FBXO36: variants seen among roughly 807,000 people sequenced by gnomAD.
The protein encoded by FBXO36 is F-box protein 36.
FBXO36 carries 18 observed loss-of-function variants against 17.0 expected under a neutral mutation model. The ratio of observed to expected loss-of-function variants is 1.06; its 90% CI spans 0.73 to 1.57. The LOEUF (loss-of-function observed/expected upper bound fraction) is 1.57. FBXO36 is among the 40% of genes most tolerant of loss of function. The pLI is 0.00. For synonymous variants in FBXO36, 83 were observed against 85.3 expected (o/e 0.97, Z 0.15); for missense variants, 229 against 221.9 (o/e 1.03, Z -0.20).
At chr2:229,947,289 T>C (rs2077032115) in intron 1 of FBXO36, among the ~76,000 whole-genome samples, 1 of 152,216 alleles carries the variant, frequency 6.6e-6, no homozygotes, top group Non-Finnish European at 1.5e-5. Flanking sequence ...TCAAAAGTTA[T>C]ATTTTACAGA....
intron 1 of FBXO36, among the ~76,000 whole-genome samples, chr2:229,967,167 G>A (rs898347451): frequency 3.3e-5 from 5 of 152,130 alleles, no homozygotes; most frequent in African/African-American, 1.2e-4. Flanking sequence ...CCCATGGTTT[G>A]GCTCTCTGTT....
intron 1 of FBXO36, among the ~76,000 whole-genome samples, chr2:229,959,254 A>T (rs1322343179): frequency 1.3e-5 from 2 of 152,138 alleles, no homozygotes; most frequent in Non-Finnish European, 2.9e-5. Context: ...CCTGGCCTCA[A>T]GTGATCTTCC....
chr2:229,922,758 C>T, intron 1 of FBXO36, 149 bp downstream of exon 1: 5 of 739,978 alleles, frequency 6.8e-6, no homozygotes, highest in East Asian at 2.8e-5. Flanking sequence ...TCCTCGTCAC[C>T]TCGGCCTCCT....
chr2:229,938,688 G>A (rs1353600403), intron 1 of FBXO36, among the ~76,000 whole-genome samples: 2 of 150,698 alleles, frequency 1.3e-5, no homozygotes, highest in African/African-American at 4.9e-5. Flanking sequence ...TGTATAGATG[G>A]GGTTGTAGAG....
chr2:229,949,828 G>T (rs930303180), intron 1 of FBXO36, among the ~76,000 whole-genome samples: 1 of 152,180 alleles, frequency 6.6e-6, no homozygotes, highest in Non-Finnish European at 1.5e-5. Flanking sequence ...GGGAGGCTGA[G>T]GCAGGAGAAT....
At chr2:229,933,808 C>T (rs1019260326) in intron 1 of FBXO36, among the ~76,000 whole-genome samples, 4 of 152,046 alleles carry the variant, frequency 2.6e-5, no homozygotes, top group Non-Finnish European at 4.4e-5. Flanking sequence ...GCCTCAGCCT[C>T]CCTAGTAGCT....
intron 1 of FBXO36, among the ~76,000 whole-genome samples, chr2:229,970,337 TAGTG>T (rs1468024392): frequency 1.3e-5 from 2 of 152,124 alleles, no homozygotes; most frequent in African/African-American, 4.8e-5. Context: ...CTGGGCAACA[TAGTG>T]AGATGCTATC....
chr2:229,958,183 A>T lies in FBXO36; in HGVS notation c.97-18058A>T, dbSNP rs550919523. Among the ~76,000 whole-genome samples the T allele has an allele frequency of 1.3e-3, 195 of 149,446 alleles. 1 individual carries two copies. The highest frequency in any genetic ancestry group is 3.9e-3 in the African/African-American group (158 of 40,934). On this transcript the variant is annotated intron_variant, in intron 1 of 3. Transcript: ENST00000283946. The stretch of plus-strand genomic sequence containing the variant: ...GCAAATTAAAAAAAAAATTTTTTTT[A>T]AAAACTTCACTTCCATCTGTTTGAC...
intron 1 of FBXO36, among the ~76,000 whole-genome samples, chr2:229,932,359 A>G (rs1405650035): frequency 6.6e-6 from 1 of 152,144 alleles, no homozygotes; most frequent in Non-Finnish European, 1.5e-5. Flanking sequence ...AGTCTCTACT[A>G]AAAGTACAAA....
intron 1 of FBXO36, among the ~76,000 whole-genome samples, chr2:229,935,273 A>T (rs576336185): frequency 6.6e-6 from 1 of 152,340 alleles, no homozygotes; most frequent in East Asian, 1.9e-4. Flanking sequence ...CCTGAAAATC[A>T]TAAGAGTCTC....
intron 1 of FBXO36, among the ~76,000 whole-genome samples, chr2:229,934,613 A>T (rs892004220): frequency 6.6e-5 from 10 of 152,074 alleles, no homozygotes; most frequent in African/African-American, 2.4e-4. Context: ...CTGGCACCAA[A>T]TCAGTCAGAC....
rs1015392355 is a variant in FBXO36 at position 230,011,918 on chromosome 2, G to C, written c.*1034G>C. 9 of 152,032 alleles carry C rather than the reference G, an allele frequency of 5.9e-5. No homozygotes were observed. Among genetic ancestry groups the C allele is most frequent in the Non-Finnish European group, 8.8e-5 (6 of 68,010 alleles). The allele number at this position is 152,032 out of a possible 1,614,324, so 9.4% of individuals were successfully genotyped here. On this transcript the variant is annotated 3_prime_UTR_variant, in exon 4 of 4. Coordinates refer to ENST00000283946, the MANE Select transcript of FBXO36 (RefSeq NM_174899.5). ...AGGGGTAAAAAGAATACAGTCCTGG[G>C]GAGAAAGGTCACTTCACTGAGAAGG...
At chr2:229,987,211 CAAA>C (rs78504298) in intron 2 of FBXO36, among the ~76,000 whole-genome samples, 8 of 90,714 alleles carry the variant, frequency 8.8e-5, no homozygotes, top group Non-Finnish European at 9.1e-5. Context: ...GACTCCATCT[CAAA>C]AAAAAAAAAA....
At position 229,982,790 on chromosome 2, in the gene FBXO36, A is replaced by G. The variant is rs1391597272; in HGVS notation, c.205+6441A>G. ...CAAGAGCTTGTCTCAAAAAAAAAAA[A>G]AAAAAAAAAGGATCCTTAATTTAAT... On this transcript the variant is annotated intron_variant, in intron 2 of 3. Transcript: ENST00000283946. Among the ~76,000 whole-genome samples, 8 of 151,728 alleles carry G rather than the reference A, an allele frequency of 5.3e-5. No homozygotes were observed. In the South Asian group the frequency reaches 1.7e-3, roughly 32 times the overall value.
chr2:229,984,691 T>C (rs1402936423), intron 2 of FBXO36, among the ~76,000 whole-genome samples: 2 of 152,126 alleles, frequency 1.3e-5, no homozygotes, highest in Admixed American at 6.6e-5. Flanking sequence ...CCCAGCCTAA[T>C]CTTTAGGTTT....
intron 1 of FBXO36, among the ~76,000 whole-genome samples, chr2:229,971,215 C>T (rs2077178435): frequency 6.6e-6 from 1 of 151,962 alleles, no homozygotes; most frequent in Non-Finnish European, 1.5e-5. Flanking sequence ...ATTAGCCAGG[C>T]ATGGTGGTGA....
chr2:230,003,232 AGTT>A (rs2077369708), intron 3 of FBXO36, among the ~76,000 whole-genome samples: 1 of 140,496 alleles, frequency 7.1e-6, no homozygotes, highest in Non-Finnish European at 1.6e-5. Flanking sequence ...AAAAAAAAAA[AGTT>A]CTTTTTTTTA....
At chr2:229,941,786 G>A (rs2077000612) in intron 1 of FBXO36, among the ~76,000 whole-genome samples, 1 of 152,172 alleles carries the variant, frequency 6.6e-6, no homozygotes, top group African/African-American at 2.4e-5. Context: ...GGAGGCCGAG[G>A]CAGGTGGATC....
chr2:229,947,880 C>T (rs1425705567), intron 1 of FBXO36, among the ~76,000 whole-genome samples: 1 of 152,138 alleles, frequency 6.6e-6, no homozygotes, highest in Non-Finnish European at 1.5e-5. Context: ...CAGTAAGCAG[C>T]TGCATAATTT....
Sources: gnomAD v4.1 joint callset for allele counts (sites outside exome capture counted in the v4.1 genomes callset) on GRCh38, gnomAD v4.1.1 for gene constraint, MANE v1.5 for transcripts, NCBI Gene and HGNC (gene_info 2026-07-23, HGNC 2026-07-21) for gene names.